HDAC9: variants seen among roughly 807,000 people sequenced by gnomAD.
HDAC9 encodes MEF-2 interacting transcription repressor (MITR) protein.
HDAC9 carries 41 observed loss-of-function variants against 139.4 expected under a neutral mutation model. The observed-to-expected ratio is 0.29, with a 90% CI of 0.23 to 0.38. HDAC9 has a LOEUF of 0.38. Ranked by LOEUF, HDAC9 falls within the 10% of genes least tolerant of loss-of-function variation. HDAC9 has a pLI of 1.00. For synonymous variants in HDAC9, 517 were observed against 476.2 expected (o/e 1.09, Z -1.12); for missense variants, 1,147 against 1,297.0 (o/e 0.88, Z 1.78).
chr7:18,324,450 G>A (rs938238507), intron 1 of HDAC9, among the ~76,000 whole-genome samples: 2 of 152,098 alleles, frequency 1.3e-5, no homozygotes, highest in African/African-American at 4.8e-5. Flanking sequence ...ACTGTCTTTG[G>A]CATATTGTAG....
Position 18,827,989 on chromosome 7 carries a change from C to T in HDAC9, c.2323-1172C>T, listed in dbSNP as rs140816148. On this transcript the variant is annotated intron_variant, in intron 17 of 25. Transcript: ENST00000686413. ...GAATAAGAACAGGGAATATGTTTAT[C>T]ACCATTACTAGATTTCTAATTGACA... Among the ~76,000 whole-genome samples the T allele has an allele frequency of 4.1e-3, 623 of 152,138 alleles. 3 individuals carry two copies. Among genetic ancestry groups the T allele is most frequent in the African/African-American group, 0.014 (600 of 41,508 alleles).
At chr7:18,767,074 A>T (rs1166408707) in intron 15 of HDAC9, 32 bp from the exon 16 acceptor site, 2 of 1,070,162 alleles carry the variant, frequency 1.9e-6, no homozygotes, top group Non-Finnish European at 1.3e-6. Flanking sequence ...ACCTCCATTT[A>T]TCTATATTTT....
chr7:18,900,470 C>G (rs939909304), intron 22 of HDAC9, among the ~76,000 whole-genome samples: 16 of 152,116 alleles, frequency 1.1e-4, no homozygotes, highest in African/African-American at 3.6e-4. Context: ...TCTGTCCCCT[C>G]TAGGCTAGTC....
chr7:18,872,111 T>G (rs574235053), intron 21 of HDAC9, among the ~76,000 whole-genome samples: 2 of 152,268 alleles, frequency 1.3e-5, no homozygotes, highest in East Asian at 3.9e-4. Flanking sequence ...ACTTCACTAA[T>G]TGATTCAGCA....
intron 17 of HDAC9, among the ~76,000 whole-genome samples, chr7:18,814,590 C>A (rs910803565): frequency 6.6e-6 from 1 of 152,014 alleles, no homozygotes; most frequent in Non-Finnish European, 1.5e-5. Context: ...TGCATGCTCA[C>A]CCCCCACCCC....
At chr7:18,586,995 T>A (rs1829657735) in intron 3 of HDAC9, among the ~76,000 whole-genome samples, 1 of 152,108 alleles carries the variant, frequency 6.6e-6, no homozygotes. Context: ...GAGAAATGAG[T>A]AAAATGTACA....
At chr7:18,952,393 C>A (rs967033967) in intron 23 of HDAC9, among the ~76,000 whole-genome samples, 1 of 151,892 alleles carries the variant, frequency 6.6e-6, no homozygotes, top group African/African-American at 2.4e-5. Flanking sequence ...TTTCCAGGAG[C>A]CAGCACCTTT....
chr7:18,379,368 C>T (rs973799305), intron 1 of HDAC9, among the ~76,000 whole-genome samples: 2 of 152,126 alleles, frequency 1.3e-5, no homozygotes, highest in Non-Finnish European at 2.9e-5. Context: ...CCATGTATAC[C>T]AGACAAACAA....
At chr7:18,597,461 T>C (rs1832814640) in intron 6 of HDAC9, among the ~76,000 whole-genome samples, 1 of 152,188 alleles carries the variant, frequency 6.6e-6, no homozygotes, top group South Asian at 2.1e-4. Flanking sequence ...AGTAGATGAC[T>C]TTATTGTTTT....
At chr7:18,504,257 A>G (rs553426184) in intron 2 of HDAC9, among the ~76,000 whole-genome samples, 1 of 152,124 alleles carries the variant, frequency 6.6e-6, no homozygotes, top group Non-Finnish European at 1.5e-5. Flanking sequence ...TTTTTCTGTC[A>G]TACTCCTCTC....
chr7:18,326,792 C>G (rs907190262), intron 1 of HDAC9, among the ~76,000 whole-genome samples: 1 of 151,878 alleles, frequency 6.6e-6, no homozygotes, highest in Non-Finnish European at 1.5e-5. Flanking sequence ...TTCTTTCTAC[C>G]TTTTGTACAG....
At chr7:18,673,244 G>A (rs1376653323) in intron 12 of HDAC9, among the ~76,000 whole-genome samples, 1 of 151,900 alleles carries the variant, frequency 6.6e-6, no homozygotes, top group African/African-American at 2.4e-5. Flanking sequence ...ATGCCACGGT[G>A]CTGTAGCCTG....
At chr7:18,602,958 C>G (rs1346629567) in intron 6 of HDAC9, among the ~76,000 whole-genome samples, 1 of 151,988 alleles carries the variant, frequency 6.6e-6, no homozygotes, top group East Asian at 1.9e-4. Flanking sequence ...CAGGTTTTGC[C>G]TCATGTATTT....
chr7:18,705,069 T>C (rs921631576), intron 12 of HDAC9, among the ~76,000 whole-genome samples: 1 of 152,206 alleles, frequency 6.6e-6, no homozygotes, highest in East Asian at 1.9e-4. Flanking sequence ...TTAAATTAAA[T>C]ATGCGTTCCT....
intron 2 of HDAC9, among the ~76,000 whole-genome samples, chr7:18,279,124 T>A (rs1386863813): frequency 6.6e-6 from 1 of 152,210 alleles, no homozygotes; most frequent in East Asian, 1.9e-4. Context: ...AATCCAGTCA[T>A]AATAAAAGCT....
At chr7:18,166,764 G>A (rs1389947807) in intron 2 of HDAC9, among the ~76,000 whole-genome samples, 2 of 152,056 alleles carry the variant, frequency 1.3e-5, no homozygotes, top group African/African-American at 4.8e-5. Context: ...TTTTACTCCA[G>A]TGCATTACCC....
chr7:18,823,115 G>A (rs1795112049), intron 17 of HDAC9, among the ~76,000 whole-genome samples: 8 of 152,156 alleles, frequency 5.3e-5, no homozygotes, highest in Admixed American at 5.2e-4. Context: ...ATAGGTGAGA[G>A]GGACTAAGAT....
chr7:18,636,748 G>T (rs951758591), intron 8 of HDAC9, among the ~76,000 whole-genome samples: 2 of 152,018 alleles, frequency 1.3e-5, no homozygotes, highest in African/African-American at 4.8e-5. Context: ...TGCAGCCAGA[G>T]ACATAAGTGG....
intron 22 of HDAC9, among the ~76,000 whole-genome samples, chr7:18,893,436 G>A (rs968267351): frequency 2.6e-5 from 4 of 152,164 alleles, no homozygotes; most frequent in South Asian, 2.1e-4. Context: ...CAGGCATCTA[G>A]TGCTGGAGCT....
Sources: allele counts gnomAD v4.1 joint callset (sites outside exome capture counted in the v4.1 genomes callset), GRCh38; gene constraint gnomAD v4.1.1; transcripts MANE v1.5; gene names NCBI Gene and HGNC (gene_info 2026-07-23, HGNC 2026-07-21).